The following ME1 variants were observed in gnomAD, a reference collection of about 807,000 sequenced individuals.
The protein encoded by ME1 is malic enzyme 1, also known as NADP-dependent malic enzyme.
A neutral mutation model predicts 66.4 loss-of-function variants in ME1; 74 were observed. The observed-to-expected ratio is 1.11, with a 90% CI of 0.92 to 1.35. The LOEUF is 1.35. Among genes scored for constraint, ME1 ranks in the 40% most tolerant of loss-of-function variants. The pLI, the probability that ME1 is intolerant of heterozygous loss-of-function variation, is 0.00. For missense variants in ME1, 750 were observed against 694.1 expected (o/e 1.08, Z -0.90); for synonymous variants, 251 against 235.6 (o/e 1.07, Z -0.60).
intron 6 of ME1, among the ~76,000 whole-genome samples, chr6:83,303,763 A>G (rs887978055): frequency 1.3e-5 from 2 of 152,142 alleles, no homozygotes; most frequent in African/African-American, 4.8e-5. Context: ...CTAATCCATC[A>G]TCTCACATAA....
intron 2 of ME1, among the ~76,000 whole-genome samples, chr6:83,399,303 A>T (rs1440666423): frequency 6.6e-6 from 1 of 152,102 alleles, no homozygotes; most frequent in African/African-American, 2.4e-5. Context: ...GACAAGAAAT[A>T]CTCTTAAATA....
chr6:83,344,217 T>G (rs1415403162), intron 5 of ME1, among the ~76,000 whole-genome samples: 1 of 151,196 alleles, frequency 6.6e-6, no homozygotes, highest in Non-Finnish European at 1.5e-5. Context: ...GCTCAGGAGT[T>G]TAAGGCTGCA....
At chr6:83,402,706 A>G (rs900328112) in intron 2 of ME1, among the ~76,000 whole-genome samples, 2 of 152,144 alleles carry the variant, frequency 1.3e-5, no homozygotes, top group Non-Finnish European at 2.9e-5. Context: ...GAAAACAACA[A>G]TCCAATTCAA....
At position 83,283,502 on chromosome 6, in the gene ME1, T is replaced by C. The variant is rs1477566572; in HGVS notation, c.705-29764A>G. On this transcript the variant is annotated intron_variant, in intron 6 of 13. Coordinates refer to ENST00000369705, the MANE Select transcript of ME1 (RefSeq NM_002395.6). Reference sequence around the variant, plus strand: ...GCTTAAAATCTAGGTGATAGGTTGATGGGTGCAGCAAACCACCATGGCACA... The same window carrying C: ...GCTTAAAATCTAGGTGATAGGTTGACGGGTGCAGCAAACCACCATGGCACA... Among the ~76,000 whole-genome samples the C allele has an allele frequency of 4.3e-4, 65 of 152,000 alleles. 1 individual carries two copies. The highest frequency in any genetic ancestry group is 2.1e-4 in the South Asian group (1 of 4,814).
intron 3 of ME1, among the ~76,000 whole-genome samples, chr6:83,356,211 G>C (rs1337094229): frequency 6.6e-6 from 1 of 152,042 alleles, no homozygotes; most frequent in Non-Finnish European, 1.5e-5. Context: ...GATCAGTACA[G>C]GTAGTAGCCA....
At chr6:83,324,708 C>T (rs1406026958) in intron 5 of ME1, among the ~76,000 whole-genome samples, 7 of 115,800 alleles carry the variant, frequency 6.0e-5, no homozygotes, top group South Asian at 2.7e-4. Flanking sequence ...AATTAATAGC[C>T]TACCAACCAA....
At chr6:83,240,100 C>T (rs1384806688) in intron 7 of ME1, among the ~76,000 whole-genome samples, 1 of 152,000 alleles carries the variant, frequency 6.6e-6, no homozygotes, top group Non-Finnish European at 1.5e-5. Context: ...TAATGATCCC[C>T]TTCACACAAA....
In ME1 at chr6:83,238,686, T is replaced by C. The variant is rs141537570; in HGVS notation, c.912+853A>G. On this transcript the variant is annotated intron_variant, in intron 8 of 13. Coordinates refer to ENST00000369705, the MANE Select transcript of ME1 (RefSeq NM_002395.6). ...AATTCTAACTTCACATATTTTGTTT[T>C]ATCTAAAAACAAGCAAAATGAAAAC... Among the ~76,000 whole-genome samples, 1,075 of 151,984 alleles carry C rather than the reference T, an allele frequency of 7.1e-3. 9 individuals carry two copies. Among genetic ancestry groups the C allele is most frequent in the Non-Finnish European group, 0.01 (709 of 67,844 alleles).
intron 3 of ME1, among the ~76,000 whole-genome samples, chr6:83,364,177 G>A (rs1769056752): frequency 6.6e-6 from 1 of 152,108 alleles, no homozygotes; most frequent in Admixed American, 6.6e-5. Flanking sequence ...TGCCAGCATG[G>A]CTAGAATATA....
intron 6 of ME1, among the ~76,000 whole-genome samples, chr6:83,297,222 T>TA (rs981731457): frequency 5.3e-5 from 8 of 150,394 alleles, no homozygotes; most frequent in South Asian, 2.1e-4. Flanking sequence ...ATAAAATGAA[T>TA]AAAAAAAAAC....
chr6:83,230,030 C>T (rs1356713719), intron 9 of ME1, among the ~76,000 whole-genome samples: 1 of 151,942 alleles, frequency 6.6e-6, no homozygotes, highest in Non-Finnish European at 1.5e-5. Context: ...CGCTATATTG[C>T]CCAGGGTTGT....
At chr6:83,303,411 T>C (rs1178462250) in intron 6 of ME1, among the ~76,000 whole-genome samples, 1 of 152,192 alleles carries the variant, frequency 6.6e-6, no homozygotes, top group Non-Finnish European at 1.5e-5. Context: ...TAAAAACTTC[T>C]TGTGAACATT....
intron 6 of ME1, among the ~76,000 whole-genome samples, chr6:83,304,581 T>TCAGGG (rs1228765093): frequency 6.6e-6 from 1 of 152,208 alleles, no homozygotes; most frequent in Non-Finnish European, 1.5e-5. Flanking sequence ...ATGATATTAT[T>TCAGGG]TTCATGAGGA....
At chr6:83,341,906 A>G (rs1444624617) in intron 5 of ME1, among the ~76,000 whole-genome samples, 1 of 152,174 alleles carries the variant, frequency 6.6e-6, no homozygotes, top group Non-Finnish European at 1.5e-5. Context: ...ATAGGAGTGT[A>G]ACTTTGTAAC....
rs71545854 is a variant in ME1 at position 83,283,227 on chromosome 6, C to CAAA, written c.705-29492_705-29490dup. ...TGGGCGACAGAGCAAGACTCCGTCT[C>CAAA]AAAAAAAAAAAAAAAAAAAAATGAT... On this transcript the variant is annotated intron_variant, in intron 6 of 13. Coordinates refer to ENST00000369705, the MANE Select transcript of ME1 (RefSeq NM_002395.6). Among the ~76,000 whole-genome samples the CAAA allele has an allele frequency of 3.0e-3, 87 of 28,888 alleles. 3 individuals are homozygous for CAAA. The highest frequency in any genetic ancestry group is 9.0e-3 in the African/African-American group (65 of 7,226). 19.0% of individuals were successfully genotyped at this position (28,888 alleles called of 152,430 possible). A position where few individuals can be genotyped will look rare whatever the true frequency, so the allele number is the denominator to read the frequency against.
chr6:83,243,903 A>ATATG (rs1554263354), intron 7 of ME1, among the ~76,000 whole-genome samples: 139 of 142,518 alleles, frequency 9.8e-4, no homozygotes, highest in Non-Finnish European at 1.7e-3. Context: ...ATATATATAT[A>ATATG]TATCAGTTAA....
chr6:83,346,003 G>T (rs1768677342), intron 5 of ME1, among the ~76,000 whole-genome samples, 170 bp downstream of exon 5: 1 of 152,098 alleles, frequency 6.6e-6, no homozygotes. Context: ...GATGGGAAAA[G>T]GAGAACAGGA....
chr6:83,407,852 A>G lies in ME1; in HGVS notation c.128T>C (p.Leu43Ser), dbSNP rs776980853. 35 of 1,613,278 alleles carry G rather than the reference A, an allele frequency of 2.2e-5. No individual in the cohort carries two copies. The highest frequency in any genetic ancestry group is 2.8e-5 in the Non-Finnish European group (33 of 1,179,846). The change falls in exon 2 of 14, where the codon TTG becomes TCG. Residue 43 changes from leucine (L) to serine (S), a missense_variant. Transcript: ENST00000369705. Reference protein sequence around the residue: ...EERQQLNIHGLLPPSFNSQEI... With the variant: ...EERQQLNIHGSLPPSFNSQEI... ...CTGACTGTTGAAGGAAGGTGGCAAC[A>G]ATCCATGAATGTTCAATTGCTGTCT...
intron 2 of ME1, among the ~76,000 whole-genome samples, chr6:83,406,739 G>A (rs1388803494): frequency 3.3e-5 from 5 of 152,202 alleles, no homozygotes; most frequent in South Asian, 4.1e-4. Flanking sequence ...AAATAAATCA[G>A]ATTACCCTCC....
Sources: allele counts gnomAD v4.1 joint callset (sites outside exome capture counted in the v4.1 genomes callset), GRCh38; gene constraint gnomAD v4.1.1; transcripts MANE v1.5; gene names NCBI Gene and HGNC (gene_info 2026-07-23, HGNC 2026-07-21).